The following DCT variants were observed in gnomAD, a reference collection of about 807,000 sequenced individuals.
DCT encodes L-dopachrome tautomerase.
DCT carries 47 observed loss-of-function variants against 53.0 expected under a neutral mutation model. That is an observed-to-expected ratio of 0.89 (90% CI 0.70 to 1.13). The LOEUF is 1.13. DCT is among the 50% of genes most tolerant of loss of function. DCT has a pLI of 0.00. For missense variants in DCT, 669 were observed against 637.4 expected, an observed-to-expected ratio of 1.05 and a Z score of -0.53; for synonymous variants, 244 against 237.0, an observed-to-expected ratio of 1.03 and a Z score of -0.27.
At chr13:94,501,861 A>G in the DCT span, among the ~76,000 whole-genome samples, 1 of 152,168 alleles carries the variant, frequency 6.6e-6, no homozygotes, top group Non-Finnish European at 1.5e-5. Context: ...ATGTCAGGAA[A>G]GTCCTCATGT....
chr13:94,509,409 C>A, the DCT span, among the ~76,000 whole-genome samples: 829 of 151,558 alleles, frequency 5.5e-3, 7 homozygotes, highest in African/African-American at 0.019. Context: ...CATCTCCCCC[C>A]ACACCATCAC....
intron 5 of DCT, 30 bp from the exon 6 acceptor site, chr13:94,460,256 A>C: frequency 6.2e-7 from 1 of 1,600,848 alleles, no homozygotes; most frequent in Non-Finnish European, 8.5e-7. Flanking sequence ...CAGTGACAAC[A>C]GACAAAGACT....
the DCT span, among the ~76,000 whole-genome samples, chr13:94,498,451 C>G: frequency 6.6e-6 from 1 of 152,192 alleles, no homozygotes; most frequent in East Asian, 1.9e-4. Context: ...GATAAGGTCA[C>G]AAGGGTGGAG....
In DCT at chr13:94,466,066, C is replaced by G. The variant is rs1475676093; in HGVS notation, c.697-267G>C. Reference sequence around the variant, plus strand: ...ATTATTCAGCCTTTAAAAAGGAGACCCTGCCATTTGCAAAATGTGAATGAA... The same window carrying G: ...ATTATTCAGCCTTTAAAAAGGAGACGCTGCCATTTGCAAAATGTGAATGAA... On this transcript the variant is annotated intron_variant, in intron 3 of 7. Coordinates refer to ENST00000377028, the MANE Select transcript of DCT (RefSeq NM_001922.5). Among the ~76,000 whole-genome samples, 4 of 129,524 alleles carry G rather than the reference C, an allele frequency of 3.1e-5. No individual in the cohort carries two copies. The South Asian group carries it at 1.0e-3, about 34-fold the overall frequency. The allele number at this position is 129,524 out of a possible 152,430, so 85.0% of individuals were successfully genotyped here.
In DCT at chr13:94,469,022, C is replaced by A. The variant is rs767001019; in HGVS notation, c.319G>T (p.Gly107Ter). The A allele has an allele frequency of 6.2e-7, 1 of 1,613,772 alleles. No homozygotes were observed. Among genetic ancestry groups the A allele is most frequent in the Admixed American group, 1.7e-5 (1 of 60,010 alleles). The change falls in exon 2 of 8, where the codon GGA (glycine) becomes TGA (stop). Residue 107 changes from glycine (G) to a stop codon, truncating the protein, a stop_gained. Coordinates refer to ENST00000377028, the MANE Select transcript of DCT (RefSeq NM_001922.5). LOFTEE classifies it high-confidence loss of function. ...CCGGTCCAGCCAAACTTGCAGTCTC[C>A]ACAATTATAGCCGGCAAAGTTTCCT... ...CTGNFAGYNC[G>*]DCKFGWTGPN...
rs78228440 is a variant in DCT at position 94,458,056 on chromosome 13, T to C, written c.1179+2035A>G. 1.9e-4 allele frequency among the ~76,000 whole-genome samples: 29 copies of C among 152,324 alleles called. 1 individual carries two copies. In the East Asian group the frequency reaches 5.6e-3, roughly 29 times the overall value. On this transcript the variant is annotated intron_variant, in intron 6 of 7. Transcript: ENST00000377028. The stretch of plus-strand genomic sequence containing the variant: ...ACCGTGTCTGAGCACAGACAAATTA[T>C]GAACATTGTCCAAGATGCAAGATGC...
the DCT span, among the ~76,000 whole-genome samples, chr13:94,533,583 G>A: frequency 9.9e-5 from 15 of 152,072 alleles, no homozygotes; most frequent in Non-Finnish European, 1.9e-4. Flanking sequence ...TCAGGAGTTC[G>A]AGACCAGCCT....
the DCT span, among the ~76,000 whole-genome samples, chr13:94,510,785 C>T: frequency 3.4e-4 from 52 of 152,272 alleles, no homozygotes; most frequent in South Asian, 2.1e-4. Context: ...TCCAAGCTCA[C>T]GCATCCAACC....
chr13:94,450,593 G>A (rs1178882017), intron 6 of DCT, among the ~76,000 whole-genome samples: 1 of 151,988 alleles, frequency 6.6e-6, no homozygotes, highest in African/African-American at 2.4e-5. Context: ...AAAAAAAATC[G>A]AGAGAATTAG....
At chr13:94,491,061 A>C in the DCT span, among the ~76,000 whole-genome samples, 8 of 152,316 alleles carry the variant, frequency 5.3e-5, no homozygotes, top group Admixed American at 4.6e-4. Flanking sequence ...CGAAGACCGG[A>C]AAGAATACAA....
chr13:94,521,579 A>G, the DCT span, among the ~76,000 whole-genome samples: 1 of 152,214 alleles, frequency 6.6e-6, no homozygotes, highest in Non-Finnish European at 1.5e-5. Flanking sequence ...CTGAAGCAGG[A>G]GAATCACTTG....
At chr13:94,519,706 G>A in the DCT span, among the ~76,000 whole-genome samples, 3 of 152,308 alleles carry the variant, frequency 2.0e-5, no homozygotes, top group African/African-American at 4.8e-5. Context: ...TTTCTATCTT[G>A]AGAAAAGGTA....
chr13:94,458,689 C>T (rs1334307872), intron 6 of DCT, among the ~76,000 whole-genome samples: 1 of 151,926 alleles, frequency 6.6e-6, no homozygotes, highest in Non-Finnish European at 1.5e-5. Context: ...GTAGTCCCAG[C>T]TACTTGGGAG....
intron 1 of DCT, among the ~76,000 whole-genome samples, chr13:94,477,182 G>A (rs1406705411): frequency 2.6e-5 from 4 of 151,874 alleles, no homozygotes; most frequent in African/African-American, 9.7e-5. Flanking sequence ...TGCAACCTCT[G>A]CCTCCTGGGT....
the DCT span, among the ~76,000 whole-genome samples, chr13:94,535,472 T>C: frequency 6.6e-6 from 1 of 152,212 alleles, no homozygotes; most frequent in African/African-American, 2.4e-5. Flanking sequence ...AACTGAAGGA[T>C]AGTTTTCATA....
chr13:94,460,054 T>C (rs1177515719), intron 6 of DCT, 37 bp downstream of exon 6: 2 of 1,599,962 alleles, frequency 1.3e-6, no homozygotes, highest in Admixed American at 1.7e-5. Context: ...ACATATTATC[T>C]AGAAAATTTT....
the DCT span, among the ~76,000 whole-genome samples, chr13:94,538,175 C>T: frequency 1.3e-5 from 2 of 152,108 alleles, no homozygotes; most frequent in Admixed American, 6.6e-5. Flanking sequence ...GAAAGTGACT[C>T]CTGAAAGAAG....
chr13:94,476,469 CTT>C (rs57154236), intron 1 of DCT, among the ~76,000 whole-genome samples: 80 of 111,040 alleles, frequency 7.2e-4, no homozygotes, highest in Middle Eastern at 5.7e-3. Flanking sequence ...TTGGCACTTT[CTT>C]TTTTTTTTTT....
chr13:94,507,075 G>A, the DCT span, among the ~76,000 whole-genome samples: 57,706 of 151,974 alleles, frequency 0.38, 11,433 homozygotes, highest in East Asian at 0.61. Flanking sequence ...ACTAAGAACT[G>A]CACAGACCAA....
Sources: allele counts gnomAD v4.1 joint callset (sites outside exome capture counted in the v4.1 genomes callset), GRCh38; gene constraint gnomAD v4.1.1; transcripts MANE v1.5; gene names NCBI Gene and HGNC (gene_info 2026-07-23, HGNC 2026-07-21).